The following PVT1 variants were observed in gnomAD, a reference collection of about 807,000 sequenced individuals.
PVT1 encodes CXCR4/PVT1 fusion.
At chr8:128,094,913 T>A (rs916174827) in intron 5 of PVT1, among the ~76,000 whole-genome samples, 8 of 152,162 alleles carry the variant, frequency 5.3e-5, no homozygotes, top group Non-Finnish European at 1.0e-4. Flanking sequence ...ACAGGCAGAG[T>A]TTAAATCCAT....
intron 2 of PVT1, among the ~76,000 whole-genome samples, chr8:127,809,052 A>AAAAAAAAAAAAAAAAAG (rs1554588311): frequency 3.7e-5 from 5 of 135,112 alleles, no homozygotes; most frequent in East Asian, 2.2e-4. Context: ...AAAAAAAAAA[A>AAAAAAAAAAAAAAAAAG]AAAGAAAGAA....
intron 4 of PVT1, among the ~76,000 whole-genome samples, chr8:128,046,366 C>A (rs996673841): frequency 6.6e-6 from 1 of 152,216 alleles, no homozygotes; most frequent in East Asian, 1.9e-4. Context: ...TCCACGGGGT[C>A]GGTCAGTAAC....
At chr8:127,917,942 CA>C (rs1245932502) in intron 3 of PVT1, among the ~76,000 whole-genome samples, 2 of 152,254 alleles carry the variant, frequency 1.3e-5, no homozygotes, top group African/African-American at 4.8e-5. Flanking sequence ...CTGTCCCCCA[CA>C]AGGAGATTAC....
chr8:128,023,578 A>G (rs7009991), intron 4 of PVT1, among the ~76,000 whole-genome samples: 10 of 152,190 alleles, frequency 6.6e-5, no homozygotes, highest in African/African-American at 2.2e-4. Flanking sequence ...TGCCTGATAC[A>G]TCAACTACTT....
intron 3 of PVT1, among the ~76,000 whole-genome samples, chr8:127,957,449 G>T (rs574910106): frequency 6.6e-6 from 1 of 151,716 alleles, no homozygotes; most frequent in East Asian, 1.9e-4. Flanking sequence ...AGCCTGTACC[G>T]TGCAGCTACT....
intron 4 of PVT1, among the ~76,000 whole-genome samples, chr8:128,035,586 C>A (rs1813452184): frequency 6.6e-6 from 1 of 152,240 alleles, no homozygotes; most frequent in Middle Eastern, 3.4e-3. Flanking sequence ...GGACAGCAGC[C>A]CCCCAAGATG....
At chr8:127,856,940 C>T (rs1003628215) in intron 2 of PVT1, among the ~76,000 whole-genome samples, 5 of 152,058 alleles carry the variant, frequency 3.3e-5, no homozygotes, top group African/African-American at 1.2e-4. Flanking sequence ...TAAAATAATC[C>T]GAGGGCTGGG....
At position 127,816,488 on chromosome 8, in the gene PVT1, GA is replaced by G. The variant is rs111273710; in HGVS notation, n.372+20429del. Among the ~76,000 whole-genome samples the G allele has an allele frequency of 3.8e-3, 522 of 137,630 alleles. 1 individual carries two copies. Among genetic ancestry groups the G allele is most frequent in the African/African-American group, 0.012 (451 of 37,692 alleles). 90.3% of individuals were successfully genotyped at this position (137,630 alleles called of 152,430 possible). On this transcript the variant is annotated intron_variant and non_coding_transcript_variant, in intron 2 of 10. Coordinates refer to ENST00000651587, the Ensembl canonical transcript of PVT1. The stretch of plus-strand genomic sequence containing the variant: ...TGTTGATGTTTATCATGTCATGGAT[GA>G]AAAAAAAAAAACCCATGCGTATTCT...
intron 3 of PVT1, among the ~76,000 whole-genome samples, chr8:127,984,730 C>A (rs1204362752): frequency 6.6e-6 from 1 of 152,128 alleles, no homozygotes; most frequent in Admixed American, 6.5e-5. Flanking sequence ...CCTCAGCCAC[C>A]CAAGCAGTTG....
At chr8:127,870,107 A>T (rs1164841934) in intron 2 of PVT1, among the ~76,000 whole-genome samples, 3 of 152,152 alleles carry the variant, frequency 2.0e-5, no homozygotes, top group African/African-American at 2.4e-5. Flanking sequence ...CCTGGTGGAC[A>T]TTGGGTCTTT....
chr8:128,056,052 C>T (rs1813758499), intron 4 of PVT1, among the ~76,000 whole-genome samples: 1 of 152,204 alleles, frequency 6.6e-6, no homozygotes, highest in South Asian at 2.1e-4. Context: ...TGACTCTCAG[C>T]TTCTACTCTG....
chr8:128,033,331 G>T (rs1033346631), intron 4 of PVT1, among the ~76,000 whole-genome samples: 6 of 152,294 alleles, frequency 3.9e-5, no homozygotes, highest in Non-Finnish European at 7.4e-5. Flanking sequence ...GCATGTGTGT[G>T]TGTATGTATG....
intron 3 of PVT1, among the ~76,000 whole-genome samples, chr8:127,930,152 C>T (rs948520870): frequency 5.9e-5 from 9 of 151,888 alleles, no homozygotes; most frequent in Non-Finnish European, 1.2e-4. Context: ...TGGGGCGGTG[C>T]GGAATTATTA....
chr8:128,045,306 G>A (rs1170389981), intron 4 of PVT1, among the ~76,000 whole-genome samples: 2 of 151,978 alleles, frequency 1.3e-5, no homozygotes, highest in Admixed American at 6.6e-5. Context: ...ATGTTTAAGG[G>A]GACATTTCTC....
intron 3 of PVT1, among the ~76,000 whole-genome samples, chr8:127,893,505 C>A (rs1366693064): frequency 2.0e-5 from 3 of 152,146 alleles, no homozygotes; most frequent in African/African-American, 7.2e-5. Flanking sequence ...CCTCGGCCTC[C>A]TAAAGAGCTG....
At chr8:127,959,710 CT>C (rs1408805914) in intron 3 of PVT1, among the ~76,000 whole-genome samples, 1 of 151,764 alleles carries the variant, frequency 6.6e-6, no homozygotes, top group Non-Finnish European at 1.5e-5. Context: ...CTGATTTAGG[CT>C]GTTCAGACAT....
At chr8:128,052,042 A>G (rs1813705053) in intron 4 of PVT1, among the ~76,000 whole-genome samples, 1 of 152,228 alleles carries the variant, frequency 6.6e-6, no homozygotes, top group Admixed American at 6.5e-5. Context: ...AGAAGTAGAG[A>G]TCTCTTTTAT....
At chr8:127,974,240 T>C (rs548892264) in intron 3 of PVT1, among the ~76,000 whole-genome samples, 1 of 152,260 alleles carries the variant, frequency 6.6e-6, no homozygotes, top group East Asian at 1.9e-4. Context: ...GTGCCTACAG[T>C]TTCCATTCTC....
At chr8:127,948,770 T>TTGA in intron 3 of PVT1, 1 of 152,316 alleles carries the variant, frequency 6.6e-6, no homozygotes, top group African/African-American at 2.4e-5. Flanking sequence ...TGACCACACC[T>TTGA]TGATCCTGGA....
Sources: gnomAD v4.1 joint callset for allele counts (sites outside exome capture counted in the v4.1 genomes callset) on GRCh38, gnomAD v4.1.1 for gene constraint, MANE v1.5 for transcripts, NCBI Gene and HGNC (gene_info 2026-07-23, HGNC 2026-07-21) for gene names.